Variants in ANKS1A observed in about 807,000 individuals in gnomAD.
The protein encoded by ANKS1A is ankyrin repeat and sterile alpha motif domain containing 1A.
In ANKS1A, 55 loss-of-function variants were observed where a neutral mutation model predicts 120.3. The observed-to-expected ratio is 0.46, with a 90% CI of 0.37 to 0.57. The LOEUF is 0.57. Ranked by LOEUF, ANKS1A falls within the 20% of genes least tolerant of loss-of-function variation. ANKS1A has a pLI of 0.00. For synonymous variants in ANKS1A, 590 were observed against 604.7 expected (o/e 0.98, Z 0.36); for missense variants, 1,123 against 1,480.3 (o/e 0.76, Z 3.96).
At chr6:35,025,669 T>G (rs2127565131) in intron 11 of ANKS1A, among the ~76,000 whole-genome samples, 1 of 152,306 alleles carries the variant, frequency 6.6e-6, no homozygotes, top group East Asian at 1.9e-4. Flanking sequence ...CTTTTTTTCT[T>G]CCTCCCTACT....
chr6:35,090,630 TTTCTTTC>T lies in ANKS1A; in HGVS notation c.*2024_*2030del, dbSNP rs1778251299. The T allele has an allele frequency of 1.0e-6, 1 of 991,462 alleles. No homozygotes were observed. Among genetic ancestry groups the T allele is most frequent in the Non-Finnish European group, 1.2e-6 (1 of 833,750 alleles). 61.4% of individuals were successfully genotyped at this position (991,462 alleles called of 1,614,324 possible). A position where few individuals can be genotyped will look rare whatever the true frequency, so the allele number is the denominator to read the frequency against. ...TTCAAGAAAGGAAAATGACTGGGCC[TTTCTTTC>T]TTTTCTTCTCCTCTGGGATGGGTAG... On this transcript the variant is annotated 3_prime_UTR_variant, in exon 24 of 24. Transcript: ENST00000360359.
At chr6:34,904,509 G>T (rs1408774174) in intron 1 of ANKS1A, among the ~76,000 whole-genome samples, 1 of 152,082 alleles carries the variant, frequency 6.6e-6, no homozygotes, top group African/African-American at 2.4e-5. Flanking sequence ...TGAGGTGGGC[G>T]GATCACGAGG....
intron 11 of ANKS1A, chr6:35,023,567 AT>A (rs1394731435): frequency 8.8e-6 from 4 of 453,644 alleles, no homozygotes; most frequent in African/African-American, 2.1e-5. Flanking sequence ...TTGACTGAAT[AT>A]TGGTTGAAAG....
chr6:35,062,387 T>C (rs1160208926), intron 13 of ANKS1A, among the ~76,000 whole-genome samples: 2 of 152,220 alleles, frequency 1.3e-5, no homozygotes, highest in Non-Finnish European at 1.5e-5. Context: ...AGAAGGCAAC[T>C]TGGGAAGGGG....
Position 34,982,023 on chromosome 6 carries a change from G to T in ANKS1A, c.732+37G>T. On this transcript the variant is annotated intron_variant, in intron 4 of 23. Transcript: ENST00000360359. The surrounding 1 kb of genome is among the most constrained non-coding windows in gnomAD (Gnocchi z 4.9). ...GGTGGGGGCTCCTCCAATCTCAAGA[G>T]ACTCAGTCATTTTGCAGAAGGCACA... 2 of 1,603,938 alleles carry T rather than the reference G, an allele frequency of 1.2e-6. No homozygotes were observed. The highest frequency in any genetic ancestry group is 2.2e-5 in the South Asian group (2 of 90,110).
intron 3 of ANKS1A, among the ~76,000 whole-genome samples, chr6:34,976,414 AG>A (rs1169810355): frequency 6.6e-6 from 1 of 152,204 alleles, no homozygotes; most frequent in Non-Finnish European, 1.5e-5. Context: ...TCCTTAGCTA[AG>A]GCAGAACCAT....
chr6:35,090,634 T>C lies in ANKS1A; in HGVS notation c.*2025T>C, dbSNP rs1315091835. 1 of 991,500 alleles carries C rather than the reference T, an allele frequency of 1.0e-6. No individual in the cohort carries two copies. The highest frequency in any genetic ancestry group is 4.6e-5 in the South Asian group (1 of 21,864). 61.4% of individuals were successfully genotyped at this position (991,500 alleles called of 1,614,324 possible). A position where few individuals can be genotyped will look rare whatever the true frequency, so the allele number is the denominator to read the frequency against. On this transcript the variant is annotated 3_prime_UTR_variant, in exon 24 of 24. Coordinates refer to ENST00000360359, the MANE Select transcript of ANKS1A (RefSeq NM_015245.3). ...AGAAAGGAAAATGACTGGGCCTTTC[T>C]TTCTTTTCTTCTCCTCTGGGATGGG...
chr6:35,086,258 T>C lies in ANKS1A; in HGVS notation c.3303+322T>C. 1.5e-6 allele frequency: 2 copies of C among 1,355,038 alleles called. No individual in the cohort carries two copies. The highest frequency in any genetic ancestry group is 1.9e-6 in the Non-Finnish European group (2 of 1,031,660). 83.9% of individuals were successfully genotyped at this position (1,355,038 alleles called of 1,614,324 possible). On this transcript the variant is annotated intron_variant, in intron 22 of 23. Coordinates refer to ENST00000360359, the MANE Select transcript of ANKS1A (RefSeq NM_015245.3). This position sits in a 1 kb window ranked among gnomAD's most constrained non-coding sequence, Gnocchi z 5.1. Reference sequence around the variant, plus strand: ...ATCCCTGTGTCTGTGTCTGCTTTGCTCTGCACCCCAGGTGCCGCTGCCCCC... The same window carrying C: ...ATCCCTGTGTCTGTGTCTGCTTTGCCCTGCACCCCAGGTGCCGCTGCCCCC...
At position 35,058,446 on chromosome 6, in the gene ANKS1A, T is replaced by C. The variant is rs1776319100; in HGVS notation, c.2078-1701T>C. 2 of 152,262 alleles carry C rather than the reference T, an allele frequency of 1.3e-5. No individual in the cohort carries two copies. The highest frequency in any genetic ancestry group is 6.5e-5 in the Admixed American group (1 of 15,288). The allele number at this position is 152,262 out of a possible 1,614,324, so 9.4% of individuals were successfully genotyped here. A position where few individuals can be genotyped will look rare whatever the true frequency, so the allele number is the denominator to read the frequency against. On this transcript the variant is annotated intron_variant, in intron 12 of 23. Transcript: ENST00000360359. This position sits in a 1 kb window ranked among gnomAD's most constrained non-coding sequence, Gnocchi z 5.1. The stretch of plus-strand genomic sequence containing the variant: ...CCATTCAAGGGCAGGGGAGCTCAAG[T>C]ATCCCCCAGACTCGGCATCTTGGAG...
intron 1 of ANKS1A, among the ~76,000 whole-genome samples, chr6:34,955,224 C>T (rs949696154): frequency 7.9e-5 from 12 of 152,016 alleles, no homozygotes; most frequent in Middle Eastern, 3.4e-3. Flanking sequence ...GTGACCTCCA[C>T]CTCCCAGGTT....
intron 8 of ANKS1A, among the ~76,000 whole-genome samples, chr6:34,986,869 A>G (rs993526289): frequency 1.7e-4 from 26 of 152,258 alleles, no homozygotes; most frequent in African/African-American, 5.5e-4. Flanking sequence ...GCTTTTAGGC[A>G]CAACGGAATT....
At position 35,083,469 on chromosome 6, in the gene ANKS1A, A is replaced by G. The variant is rs1266233468; in HGVS notation, c.2960A>G (p.Tyr987Cys). 1 of 1,614,100 alleles carries G rather than the reference A, an allele frequency of 6.2e-7. No homozygotes were observed. The highest frequency in any genetic ancestry group is 8.5e-7 in the Non-Finnish European group (1 of 1,179,992). The change falls in exon 20 of 24, where the codon TAC (tyrosine) becomes TGC (cysteine). Residue 987 changes from tyrosine (Y) to cysteine (C), a missense_variant. By Grantham distance (194) the Tyr-to-Cys change is radical. Coordinates refer to ENST00000360359, the MANE Select transcript of ANKS1A (RefSeq NM_015245.3). ...CCCACCATCATCCTGTCCATCACAT[A>G]CAAAGGTGTCAAGTTCATCGATGCC... ...KIPTIILSIT[Y>C]KGVKFIDASN...
At chr6:34,927,109 G>A (rs1768756045) in intron 1 of ANKS1A, among the ~76,000 whole-genome samples, 1 of 152,104 alleles carries the variant, frequency 6.6e-6, no homozygotes, top group Non-Finnish European at 1.5e-5. Context: ...ATGGTACCTG[G>A]TATATACAGA....
chr6:34,963,333 T>C (rs563010695), intron 1 of ANKS1A, among the ~76,000 whole-genome samples: 35 of 152,342 alleles, frequency 2.3e-4, no homozygotes, highest in African/African-American at 8.4e-4. Flanking sequence ...TTCTGTGAGT[T>C]CAGCATTTTT....
At chr6:35,046,217 G>A (rs1775714725) in intron 11 of ANKS1A, among the ~76,000 whole-genome samples, 1 of 152,156 alleles carries the variant, frequency 6.6e-6, no homozygotes. Context: ...AGACTGTCAA[G>A]TCTGGGGTTA....
intron 1 of ANKS1A, among the ~76,000 whole-genome samples, chr6:34,903,740 C>T (rs1364525882): frequency 1.3e-5 from 2 of 152,208 alleles, no homozygotes; most frequent in African/African-American, 4.8e-5. Flanking sequence ...TGGTCTCGAT[C>T]TCCTGACCTT....
chr6:35,043,669 G>A (rs3800424), intron 11 of ANKS1A, among the ~76,000 whole-genome samples: 29,262 of 152,170 alleles, frequency 0.19, 3,316 homozygotes, highest in East Asian at 0.58. Flanking sequence ...AAAACCAAAG[G>A]AGGAAGTCAT....
At chr6:34,915,240 C>T (rs533909765) in intron 1 of ANKS1A, among the ~76,000 whole-genome samples, 2 of 152,302 alleles carry the variant, frequency 1.3e-5, no homozygotes, top group East Asian at 1.9e-4. Flanking sequence ...GCCCCTAGGT[C>T]AGTGCCATGG....
At chr6:34,976,639 T>G (rs973427779) in intron 3 of ANKS1A, among the ~76,000 whole-genome samples, 2 of 152,108 alleles carry the variant, frequency 1.3e-5, no homozygotes, top group Non-Finnish European at 2.9e-5. Context: ...ACCTGCAAGC[T>G]TCTAAAAAAC....
Sources: gnomAD v4.1 joint callset for allele counts (sites outside exome capture counted in the v4.1 genomes callset) on GRCh38, gnomAD v4.1.1 for gene constraint, Gnocchi (gnomAD v3.1) non-coding constraint, MANE v1.5 for transcripts, NCBI Gene and HGNC (gene_info 2026-07-23, HGNC 2026-07-21) for gene names.